Variants in DNM3 observed in about 807,000 individuals in gnomAD.
The protein encoded by DNM3 is dynamin-3.
A neutral mutation model predicts 101.6 loss-of-function variants in DNM3; 47 were observed. The observed-to-expected ratio is 0.46, with a 90% CI of 0.37 to 0.59. The LOEUF (loss-of-function observed/expected upper bound fraction) is 0.59, where lower values mean the gene tolerates loss of function less well. Among genes scored for constraint, DNM3 ranks in the 20% least tolerant of loss-of-function variants. DNM3 has a pLI of 0.00. For missense variants in DNM3, 849 were observed against 1,085.7 expected, an observed-to-expected ratio of 0.78 and a Z score of 3.06; for synonymous variants, 385 against 387.9, an observed-to-expected ratio of 0.99 and a Z score of 0.09.
At chr1:172,106,777 T>C (rs907526102) in intron 13 of DNM3, among the ~76,000 whole-genome samples, 12 of 151,838 alleles carry the variant, frequency 7.9e-5, no homozygotes, top group African/African-American at 2.7e-4. Flanking sequence ...ATAAGACTTA[T>C]TTGGTTATTG....
intron 4 of DNM3, among the ~76,000 whole-genome samples, chr1:172,002,862 TAG>T (rs1458456564): frequency 6.6e-6 from 1 of 152,048 alleles, no homozygotes; most frequent in Non-Finnish European, 1.5e-5. Flanking sequence ...GCTGTTAAAA[TAG>T]AGCTTGTTAT....
intron 14 of DNM3, among the ~76,000 whole-genome samples, chr1:172,143,692 G>A (rs1263966543): frequency 6.6e-6 from 1 of 152,110 alleles, no homozygotes; most frequent in Non-Finnish European, 1.5e-5. Context: ...CAGCTGAGCA[G>A]CAATTATTAA....
At chr1:171,953,721 C>A (rs926833858) in intron 2 of DNM3, among the ~76,000 whole-genome samples, 3 of 152,074 alleles carry the variant, frequency 2.0e-5, no homozygotes, top group Non-Finnish European at 2.9e-5. Context: ...CCATGCCTGA[C>A]CCCAATTCTT....
intron 2 of DNM3, among the ~76,000 whole-genome samples, chr1:171,934,432 G>T (rs1292882724): frequency 6.6e-6 from 1 of 151,912 alleles, no homozygotes; most frequent in Non-Finnish European, 1.5e-5. Flanking sequence ...ATTTATTATT[G>T]TCAAGTTATT....
chr1:172,204,939 G>A (rs2060274728), intron 14 of DNM3, among the ~76,000 whole-genome samples: 4 of 152,084 alleles, frequency 2.6e-5, no homozygotes, highest in African/African-American at 9.7e-5. Flanking sequence ...ACAGGTTGCA[G>A]GCTTTTAATA....
At chr1:172,118,870 C>T (rs771861966) in intron 13 of DNM3, among the ~76,000 whole-genome samples, 2 of 152,182 alleles carry the variant, frequency 1.3e-5, no homozygotes, top group Non-Finnish European at 2.9e-5. Flanking sequence ...CCTCAATCCT[C>T]CCCTCTGTCC....
intron 10 of DNM3, among the ~76,000 whole-genome samples, chr1:172,067,289 A>C (rs754880102): frequency 1.4e-4 from 22 of 152,200 alleles, no homozygotes; most frequent in Non-Finnish European, 2.8e-4. Context: ...GCACTTTAAA[A>C]ATCATCATTG....
intron 16 of DNM3, among the ~76,000 whole-genome samples, chr1:172,319,620 C>T (rs887681659): frequency 6.6e-5 from 10 of 152,166 alleles, no homozygotes; most frequent in Non-Finnish European, 1.0e-4. Flanking sequence ...AGCCAAAAGA[C>T]ACATGAAAAA....
At chr1:172,256,532 C>G (rs1376427893) in intron 15 of DNM3, among the ~76,000 whole-genome samples, 2 of 151,914 alleles carry the variant, frequency 1.3e-5, no homozygotes, top group Admixed American at 1.3e-4. Flanking sequence ...TCTGTTGTAT[C>G]TGAAATTTGA....
intron 11 of DNM3, among the ~76,000 whole-genome samples, chr1:172,076,055 T>A (rs1345319687): frequency 2.0e-5 from 3 of 152,198 alleles, no homozygotes; most frequent in African/African-American, 7.2e-5. Flanking sequence ...TATTCCTAGG[T>A]ATTTTATTCT....
At chr1:172,371,108 A>G (rs2149036609) in intron 17 of DNM3, among the ~76,000 whole-genome samples, 2 of 152,096 alleles carry the variant, frequency 1.3e-5, no homozygotes, top group South Asian at 4.1e-4. Flanking sequence ...TAGCATGTCT[A>G]GCAGAATTCT....
At chr1:171,907,298 C>T (rs1330295167) in intron 1 of DNM3, among the ~76,000 whole-genome samples, 1 of 152,100 alleles carries the variant, frequency 6.6e-6, no homozygotes, top group Non-Finnish European at 1.5e-5. Context: ...TCAAGATCAG[C>T]CTGACCAACA....
chr1:172,232,627 CATA>C (rs2061382408), intron 14 of DNM3, among the ~76,000 whole-genome samples: 1 of 152,194 alleles, frequency 6.6e-6, no homozygotes, highest in South Asian at 2.1e-4. Context: ...AAATCGACCA[CATA>C]GTTGGAAATA....
At chr1:172,286,505 G>A (rs2063708990) in intron 15 of DNM3, among the ~76,000 whole-genome samples, 2 of 152,170 alleles carry the variant, frequency 1.3e-5, no homozygotes, top group Admixed American at 6.5e-5. Context: ...ATGACCTGTG[G>A]CTGTTTGGCT....
chr1:172,069,511 G>A (rs2051985608), intron 11 of DNM3, among the ~76,000 whole-genome samples: 1 of 151,982 alleles, frequency 6.6e-6, no homozygotes, highest in African/African-American at 2.4e-5. Flanking sequence ...TTTGTAATTT[G>A]GAAAGATTAT....
intron 17 of DNM3, among the ~76,000 whole-genome samples, chr1:172,337,514 G>C (rs2066482779): frequency 6.6e-6 from 1 of 152,188 alleles, no homozygotes; most frequent in Non-Finnish European, 1.5e-5. Flanking sequence ...AAGTATATTA[G>C]CATTTTAAAG....
chr1:171,987,508 G>A, intron 2 of DNM3, 148 bp from the exon 3 acceptor site: 2 of 915,830 alleles, frequency 2.2e-6, no homozygotes, highest in Non-Finnish European at 3.1e-6. Flanking sequence ...TATTAATTGT[G>A]ATTCTTAGTA....
At chr1:172,122,402 A>G (rs1378333951) in intron 13 of DNM3, among the ~76,000 whole-genome samples, 1 of 152,162 alleles carries the variant, frequency 6.6e-6, no homozygotes, top group East Asian at 1.9e-4. Flanking sequence ...CATGTTACCT[A>G]TGAAGAAATT....
At chr1:171,987,583 A>G (rs1336176975) in intron 2 of DNM3, 73 bp from the exon 3 acceptor site, 2 of 1,427,134 alleles carry the variant, frequency 1.4e-6, no homozygotes, top group Non-Finnish European at 1.9e-6. Flanking sequence ...TTGACTTATA[A>G]TTAAAGAAAC....
Sources: gnomAD v4.1 joint callset for allele counts (sites outside exome capture counted in the v4.1 genomes callset) on GRCh38, gnomAD v4.1.1 for gene constraint, MANE v1.5 for transcripts, NCBI Gene and HGNC (gene_info 2026-07-23, HGNC 2026-07-21) for gene names.